Variants in RYR3 observed in about 807,000 individuals in gnomAD.
The protein encoded by RYR3 is brain ryanodine receptor-calcium release channel.
A neutral mutation model predicts 584.3 loss-of-function variants in RYR3; 207 were observed. The ratio of observed to expected loss-of-function variants is 0.35; its 90% confidence interval spans 0.32 to 0.40. The LOEUF is 0.40. Among genes scored for constraint, RYR3 ranks in the 10% least tolerant of loss-of-function variants. The pLI is 1.00. For synonymous variants in RYR3, 2,416 were observed against 2,248.5 expected (o/e 1.07, Z -2.11); for missense variants, 5,616 against 6,089.2 (o/e 0.92, Z 2.59).
At chr15:33,488,449 C>CTTTTTTTTTT (rs72098093) in intron 2 of RYR3, among the ~76,000 whole-genome samples, 8 of 127,504 alleles carry the variant, frequency 6.3e-5, no homozygotes, top group Admixed American at 7.8e-5. Flanking sequence ...ACAGTCTTGC[C>CTTTTTTTTTT]TTTTTTTTTT....
intron 1 of RYR3, among the ~76,000 whole-genome samples, chr15:33,333,066 CAAAAAAA>C (rs1195937254): frequency 1.3e-4 from 7 of 55,734 alleles, no homozygotes; most frequent in Non-Finnish European, 2.3e-4. Context: ...GCCTACCAAC[CAAAAAAA>C]AAAAAAAAAA....
chr15:33,548,259 G>A, intron 9 of RYR3, 55 bp downstream of exon 9: 1 of 1,085,470 alleles, frequency 9.2e-7, no homozygotes, highest in Non-Finnish European at 1.4e-6. Context: ...TTCAGTACAG[G>A]CCGTTCTCTT....
At chr15:33,798,518 G>A (rs532898486) in intron 67 of RYR3, among the ~76,000 whole-genome samples, 1 of 152,338 alleles carries the variant, frequency 6.6e-6, no homozygotes, top group Admixed American at 6.5e-5. Flanking sequence ...ATCAGCAGGA[G>A]AAAGGCAAAA....
At chr15:33,699,989 C>T (rs185813172) in intron 41 of RYR3, among the ~76,000 whole-genome samples, 156 bp downstream of exon 41, 28 of 152,308 alleles carry the variant, frequency 1.8e-4, no homozygotes, top group Non-Finnish European at 4.0e-4. Context: ...ATTGAAGTAA[C>T]GATGCCACAA....
Position 33,580,152 on chromosome 15 carries a change from G to T in RYR3, c.1437+8G>T. Reference sequence around the variant, plus strand: ...AATCTTTTCAAGGAAGAGGTAAGTCGAAAAATGAAAAGTTGAAATTCACTT... The same window carrying T: ...AATCTTTTCAAGGAAGAGGTAAGTCTAAAAATGAAAAGTTGAAATTCACTT... On this transcript the variant is annotated splice_region_variant and intron_variant, in intron 13 of 103. Coordinates refer to ENST00000634891, the MANE Select transcript of RYR3 (RefSeq NM_001036.6). 1 of 1,581,286 alleles carries T rather than the reference G, an allele frequency of 6.3e-7. No individual in the cohort carries two copies. The highest frequency in any genetic ancestry group is 1.2e-5 in the South Asian group (1 of 86,626).
chr15:33,655,655 C>A (rs1042117880), intron 32 of RYR3, among the ~76,000 whole-genome samples: 1 of 152,084 alleles, frequency 6.6e-6, no homozygotes, highest in Non-Finnish European at 1.5e-5. Flanking sequence ...CCCTGCTCAG[C>A]GATCCCAGTC....
chr15:33,819,229 C>T (rs2076980475), intron 76 of RYR3, among the ~76,000 whole-genome samples: 2 of 152,258 alleles, frequency 1.3e-5, no homozygotes, highest in South Asian at 4.1e-4. Context: ...TAAACTTCAT[C>T]TCTGAATTCC....
chr15:33,776,438 G>A (rs1431909941), intron 64 of RYR3, among the ~76,000 whole-genome samples: 2 of 152,222 alleles, frequency 1.3e-5, no homozygotes, highest in Non-Finnish European at 2.9e-5. Context: ...AGAAAGCAAA[G>A]CTTGAAACTT....
At chr15:33,587,239 A>C (rs1390469607) in intron 16 of RYR3, among the ~76,000 whole-genome samples, 1 of 152,242 alleles carries the variant, frequency 6.6e-6, no homozygotes, top group South Asian at 2.1e-4. Flanking sequence ...GCTTCAGTCC[A>C]GATTCTCTGC....
At chr15:33,829,301 A>G (rs2077540640) in intron 85 of RYR3, among the ~76,000 whole-genome samples, 3 of 152,212 alleles carry the variant, frequency 2.0e-5, no homozygotes, top group Admixed American at 1.3e-4. Flanking sequence ...TCTGCAGCCC[A>G]TGGATCAAGG....
At chr15:33,533,273 A>G in intron 4 of RYR3, 38 bp from the exon 5 acceptor site, 4 of 1,399,976 alleles carry the variant, frequency 2.9e-6, no homozygotes, top group East Asian at 2.4e-5. Flanking sequence ...ACTCAATGGA[A>G]GAGTGTGACT....
At chr15:33,639,142 G>A (rs970672372) in intron 27 of RYR3, among the ~76,000 whole-genome samples, 7 of 152,174 alleles carry the variant, frequency 4.6e-5, no homozygotes, top group South Asian at 4.1e-4. Context: ...AGCATAACCC[G>A]GCTTTGAGAG....
chr15:33,425,362 C>T (rs970532096), intron 1 of RYR3, among the ~76,000 whole-genome samples: 11 of 152,106 alleles, frequency 7.2e-5, no homozygotes, highest in Non-Finnish European at 1.5e-4. Context: ...ATTCTGACTC[C>T]TCCTGTCGTC....
rs1020624919 is a variant in RYR3, at chr15:33,840,895, G to C, written c.13037+12G>C. The C allele has an allele frequency of 6.2e-7, 1 of 1,612,986 alleles. No homozygotes were observed. The highest frequency in any genetic ancestry group is 8.5e-7 in the Non-Finnish European group (1 of 1,179,230). On this transcript the variant is annotated intron_variant, in intron 90 of 103. Transcript: ENST00000634891. Reference sequence around the variant, plus strand: ...TCCGAGAAGGCAGAGTAAGTTCTTGGTAGCATCAACTACTCTCATTGCTAT... The same window carrying C: ...TCCGAGAAGGCAGAGTAAGTTCTTGCTAGCATCAACTACTCTCATTGCTAT...
intron 52 of RYR3, among the ~76,000 whole-genome samples, chr15:33,744,885 C>T (rs1277877798): frequency 6.6e-6 from 1 of 152,166 alleles, no homozygotes; most frequent in African/African-American, 2.4e-5. Flanking sequence ...TGGCAGCTTG[C>T]TGTTGGAAAC....
rs182670870 is a variant in RYR3 at position 33,531,560 on chromosome 15, C to A, written c.354+894C>A. Among the ~76,000 whole-genome samples the A allele has an allele frequency of 1.7e-3, 260 of 151,974 alleles. 3 individuals carry two copies. The highest frequency in any genetic ancestry group is 6.0e-3 in the African/African-American group (250 of 41,484). On this transcript the variant is annotated intron_variant, in intron 4 of 103. Transcript: ENST00000634891. ...TATACCAGCAGCATGATGCAAAGTT[C>A]ATCTCAAGGCTTGAACTATCAAACT...
chr15:33,603,635 A>G (rs924289203), intron 18 of RYR3, among the ~76,000 whole-genome samples: 1 of 152,236 alleles, frequency 6.6e-6, no homozygotes, highest in South Asian at 2.1e-4. Context: ...CGTTAGGATT[A>G]TATGAACAGA....
chr15:33,827,475 C>A (rs115732825), intron 85 of RYR3, among the ~76,000 whole-genome samples, 188 bp downstream of exon 85: 1 of 152,160 alleles, frequency 6.6e-6, no homozygotes, highest in African/African-American at 2.4e-5. Flanking sequence ...AAGTGGGAGA[C>A]GTGGTTAAAC....
chr15:33,619,750 C>T (rs1010586907), intron 19 of RYR3, among the ~76,000 whole-genome samples: 24 of 152,146 alleles, frequency 1.6e-4, no homozygotes, highest in Non-Finnish European at 1.8e-4. Context: ...ATTGGTCTGC[C>T]CCTCCCTGAT....
Sources: gnomAD v4.1 joint callset for allele counts (sites outside exome capture counted in the v4.1 genomes callset) on GRCh38, gnomAD v4.1.1 for gene constraint, MANE v1.5 for transcripts, NCBI Gene and HGNC (gene_info 2026-07-23, HGNC 2026-07-21) for gene names.